The following PATL2 variants were observed in gnomAD, a reference collection of about 807,000 sequenced individuals.
PATL2 encodes PAT1 homolog 2, also known as protein PAT1 homolog 2.
PATL2 carries 73 observed loss-of-function variants against 77.0 expected under a neutral mutation model. The ratio of observed to expected loss-of-function variants is 0.95; its 90% CI spans 0.78 to 1.15. PATL2 has a LOEUF of 1.15. Ranked by LOEUF, PATL2 falls within the 50% of genes most tolerant of loss-of-function variation. PATL2 has a pLI of 0.00. For synonymous variants in PATL2, 265 were observed against 257.1 expected (o/e 1.03, Z -0.29); for missense variants, 618 against 655.4 (o/e 0.94, Z 0.62).
chr15:44,674,007 G>T, intron 6 of PATL2, 143 bp downstream of exon 6: 1 of 710,058 alleles, frequency 1.4e-6, no homozygotes, highest in Non-Finnish European at 2.3e-6. Context: ...CATTTATCAA[G>T]CTCCTCTATG....
Position 44,698,797 on chromosome 15 carries a change from T to C in PATL2, c.-76+11299A>G, listed in dbSNP as rs544813193. ...CTGGATCATATGATTGCTGTATTTT[T>C]AGTTTTTTGAGGAACCTCCAAGCTG... On this transcript the variant is annotated intron_variant, in intron 3 of 17. Transcript: ENST00000682850. Among the ~76,000 whole-genome samples, 7 of 152,354 alleles carry C rather than the reference T, an allele frequency of 4.6e-5. No homozygotes were observed. The East Asian group carries it at 1.3e-3, about 29-fold the overall frequency.
intron 7 of PATL2, 89 bp downstream of exon 7, chr15:44,673,146 T>A: frequency 3.5e-6 from 5 of 1,436,156 alleles, no homozygotes; most frequent in Non-Finnish European, 4.7e-6. Flanking sequence ...TAGTTTTCTG[T>A]GTTTCCCTGT....
At chr15:44,697,487 T>C (rs2086532060) in intron 3 of PATL2, 1 of 152,238 alleles carries the variant, frequency 6.6e-6, no homozygotes, top group East Asian at 1.9e-4. Context: ...TGTGCATATA[T>C]TACTTTTATA....
At chr15:44,691,420 G>A (rs1331358325) in intron 3 of PATL2, among the ~76,000 whole-genome samples, 1 of 152,208 alleles carries the variant, frequency 6.6e-6, no homozygotes, top group African/African-American at 2.4e-5. Flanking sequence ...TACTTTGGGA[G>A]GCCAAGGCAG....
intron 4 of PATL2, 115 bp from the exon 5 acceptor site, chr15:44,675,806 T>A (rs1202523503): frequency 2.2e-6 from 2 of 891,866 alleles, no homozygotes; most frequent in African/African-American, 1.7e-5. Flanking sequence ...CAGCACCACC[T>A]TTGAACATAA....
chr15:44,689,910 C>A (rs1429691723), intron 3 of PATL2, among the ~76,000 whole-genome samples: 1 of 152,098 alleles, frequency 6.6e-6, no homozygotes, highest in African/African-American at 2.4e-5. Flanking sequence ...TGAATGTTGG[C>A]CAAGCATGGT....
chr15:44,701,781 G>C (rs2086635052), intron 3 of PATL2, among the ~76,000 whole-genome samples: 1 of 151,396 alleles, frequency 6.6e-6, no homozygotes, highest in Non-Finnish European at 1.5e-5. Flanking sequence ...TTATGGTTCT[G>C]TAGGCTGTAC....
At chr15:44,682,781 A>G (rs769321707) in intron 3 of PATL2, among the ~76,000 whole-genome samples, 5 of 152,362 alleles carry the variant, frequency 3.3e-5, no homozygotes, top group Non-Finnish European at 7.3e-5. Context: ...CATAAAAAAA[A>G]TCTCAAAACG....
Position 44,674,175 on chromosome 15 carries a change from A to G in PATL2, c.278T>C (p.Leu93Pro). Residue 93 changes from leucine (L) to proline (P), a missense_variant, in exon 6 of 18, where the codon CTT becomes CCT. Coordinates refer to ENST00000682850, the MANE Select transcript of PATL2 (RefSeq NM_001387263.1). ...CTGCCACAGAAAATGCAAGGAGGCA[A>G]GTGACATTCCCAGCATACCAGGGGC... ...VKAPGMLGMSLASLHFLWQTL... is the reference protein window; with the variant it reads ...VKAPGMLGMSPASLHFLWQTL... The G allele has an allele frequency of 6.4e-7, 1 of 1,550,582 alleles. No homozygotes were observed. Among genetic ancestry groups the G allele is most frequent in the Non-Finnish European group, 8.7e-7 (1 of 1,146,008 alleles).
At chr15:44,680,430 T>A (rs775234033) in intron 3 of PATL2, among the ~76,000 whole-genome samples, 2 of 152,138 alleles carry the variant, frequency 1.3e-5, no homozygotes, top group Non-Finnish European at 2.9e-5. Context: ...ATAGAGGCCA[T>A]TGGGGCTGAT....
rs564148571 is a variant in PATL2, at chr15:44,708,549, A to T, written c.-76+1547T>A. On this transcript the variant is annotated intron_variant, in intron 3 of 17. Coordinates refer to ENST00000682850, the MANE Select transcript of PATL2 (RefSeq NM_001387263.1). ...TTTGCCTTTTCTGGAGTTTTATATA[A>T]ACAGAATCATATAGTATATGTTCTT... Among the ~76,000 whole-genome samples the T allele has an allele frequency of 2.2e-4, 33 of 152,316 alleles. No homozygotes were observed. In the South Asian group the frequency reaches 6.6e-3, roughly 31 times the overall value.
At chr15:44,704,743 C>T (rs567087516) in intron 3 of PATL2, among the ~76,000 whole-genome samples, 60 of 152,206 alleles carry the variant, frequency 3.9e-4, no homozygotes, top group African/African-American at 1.4e-3. Flanking sequence ...TCATTAATGT[C>T]CTTTTCTTTC....
chr15:44,707,444 T>C (rs972984147), intron 3 of PATL2, among the ~76,000 whole-genome samples: 1 of 152,050 alleles, frequency 6.6e-6, no homozygotes, highest in Admixed American at 6.6e-5. Flanking sequence ...AGTCAGCTGG[T>C]GAGGAATCCT....
Position 44,673,393 on chromosome 15 carries a change from A to G in PATL2, c.304-16T>C. The G allele has an allele frequency of 6.4e-7, 1 of 1,551,498 alleles. No individual in the cohort carries two copies. Among genetic ancestry groups the G allele is most frequent in the Non-Finnish European group, 8.7e-7 (1 of 1,146,850 alleles). ...AGTCCAAGGTCTGAGAGAGGAATTA[A>G]GAGGTCTGGGAGAACGCCATCTCCA... On this transcript the variant is annotated splice_polypyrimidine_tract_variant and intron_variant, in intron 6 of 17. Transcript: ENST00000682850.
chr15:44,707,593 G>A (rs540642031), intron 3 of PATL2, among the ~76,000 whole-genome samples: 7 of 152,104 alleles, frequency 4.6e-5, no homozygotes, highest in African/African-American at 1.4e-4. Flanking sequence ...CAGCTGAGCT[G>A]GTATCCAATG....
At chr15:44,669,728 C>A in intron 11 of PATL2, 49 bp downstream of exon 11, 5 of 1,541,404 alleles carry the variant, frequency 3.2e-6, no homozygotes, top group Non-Finnish European at 4.4e-6. Flanking sequence ...TGTTCTAGAC[C>A]CTTCTTCCAA....
chr15:44,669,149 A>G lies in PATL2; in HGVS notation c.1065-10T>C, dbSNP rs1276301207. 2.0e-6 allele frequency: 3 copies of G among 1,529,086 alleles called. No individual in the cohort carries two copies. The highest frequency in any genetic ancestry group is 2.0e-5 in the Admixed American group (1 of 49,096). The allele number at this position is 1,529,086 out of a possible 1,614,324, so 94.7% of individuals were successfully genotyped here. On this transcript the variant is annotated splice_polypyrimidine_tract_variant and intron_variant, in intron 13 of 17. Coordinates refer to ENST00000682850, the MANE Select transcript of PATL2 (RefSeq NM_001387263.1). ...GCCATCTGCTGCCTCTCTGCAAGGG[A>G]GAGAGGAGAACATTTTCAGAGCTCT...
chr15:44,691,255 C>A (rs955530263), intron 3 of PATL2, among the ~76,000 whole-genome samples: 2 of 152,020 alleles, frequency 1.3e-5, no homozygotes, highest in African/African-American at 4.8e-5. Context: ...TATGTTCAAT[C>A]CATAATAGGT....
At position 44,669,873 on chromosome 15, in the gene PATL2, C is replaced by G. The variant is rs914767761; in HGVS notation, c.780G>C (p.Val260=). 148 of 1,551,462 alleles carry G rather than the reference C, an allele frequency of 9.5e-5. No homozygotes were observed. Among genetic ancestry groups the G allele is most frequent in the Non-Finnish European group, 1.3e-4 (144 of 1,146,968 alleles). ...YIPKAEAYES[V]VRIEGSLGQV... ...GGCCCAGGGAACCCTCGATTCGGAC[C>G]ACTGCATGAGAAGAGAGGCACATTT... The change falls in exon 11 of 18, where the codon GTG becomes GTC. Residue 260 remains valine, a splice_region_variant and synonymous_variant. Coordinates refer to ENST00000682850, the MANE Select transcript of PATL2 (RefSeq NM_001387263.1).
Sources: gnomAD v4.1 joint callset for allele counts (sites outside exome capture counted in the v4.1 genomes callset) on GRCh38, gnomAD v4.1.1 for gene constraint, MANE v1.5 for transcripts, NCBI Gene and HGNC (gene_info 2026-07-23, HGNC 2026-07-21) for gene names.